The following CRTC1 variants were observed in gnomAD, a reference collection of about 807,000 sequenced individuals.
The protein encoded by CRTC1 is CREB regulated transcription coactivator 1, also known as CREB-regulated transcription coactivator 1.
In CRTC1, 18 loss-of-function variants were observed where a neutral mutation model predicts 66.1. The ratio of observed to expected loss-of-function variants is 0.27; its 90% CI spans 0.19 to 0.40. The LOEUF is 0.40. Ranked by LOEUF, CRTC1 falls within the 10% of genes least tolerant of loss-of-function variation. CRTC1 has a pLI of 1.00. For synonymous variants in CRTC1, 416 were observed against 398.8 expected, an observed-to-expected ratio of 1.04 and a Z score of -0.51; for missense variants, 669 against 887.9, an observed-to-expected ratio of 0.75 and a Z score of 3.13.
chr19:18,780,945 C>G lies in CRTC1; in HGVS notation c.*3563C>G, dbSNP rs544378642. 3.6e-5 allele frequency: 8 copies of G among 223,450 alleles called. No homozygotes were observed. The highest frequency in any genetic ancestry group is 1.6e-4 in the African/African-American group (7 of 44,850). The allele number at this position is 223,450 out of a possible 1,614,324, so 13.8% of individuals were successfully genotyped here. A position where few individuals can be genotyped will look rare whatever the true frequency, so the allele number is the denominator to read the frequency against. ...CATCCTTCCAAACTCGGGCTGCGAC[C>G]TGCTTCCTGAGTTTTCTGTATTTCC... On this transcript the variant is annotated 3_prime_UTR_variant, in exon 14 of 14. Transcript: ENST00000321949.
chr19:18,693,512 C>G (rs1340158161), intron 1 of CRTC1, among the ~76,000 whole-genome samples: 1 of 122,112 alleles, frequency 8.2e-6, no homozygotes, highest in Non-Finnish European at 1.6e-5. Context: ...AACAGAGTTT[C>G]TCTCTGTCGC....
intron 4 of CRTC1, among the ~76,000 whole-genome samples, chr19:18,748,765 CATGTT>C (rs1463155711): frequency 2.7e-5 from 4 of 149,898 alleles, no homozygotes; most frequent in Non-Finnish European, 5.9e-5. Flanking sequence ...CATACACACA[CATGTT>C]AGTAAACGGA....
At chr19:18,720,149 AAG>A (rs2053591289) in intron 1 of CRTC1, among the ~76,000 whole-genome samples, 1 of 152,074 alleles carries the variant, frequency 6.6e-6, no homozygotes, top group Non-Finnish European at 1.5e-5. Context: ...GGTGGAGAAA[AAG>A]TGAGTTTTTT....
chr19:18,718,159 T>G (rs936409107), intron 1 of CRTC1, among the ~76,000 whole-genome samples: 9 of 151,848 alleles, frequency 5.9e-5, no homozygotes, highest in Non-Finnish European at 1.2e-4. Flanking sequence ...CCTCCCCTCC[T>G]CTCCTCCCCA....
chr19:18,780,472 G>A lies in CRTC1; in HGVS notation c.*3090G>A, dbSNP rs944660851. ...ATCAGGGCCCTGCTTGTGGGTTTTCGGCTCTGGGGAGGAGAGTGTTGGCAT... is the reference window on the plus strand; with the variant it reads ...ATCAGGGCCCTGCTTGTGGGTTTTCAGCTCTGGGGAGGAGAGTGTTGGCAT... On this transcript the variant is annotated 3_prime_UTR_variant, in exon 14 of 14. Transcript: ENST00000321949. The A allele has an allele frequency of 4.3e-5, 10 of 231,516 alleles. No individual in the cohort carries two copies. Among genetic ancestry groups the A allele is most frequent in the Non-Finnish European group, 6.0e-5 (7 of 117,054 alleles). The allele number at this position is 231,516 out of a possible 1,614,324, so 14.3% of individuals were successfully genotyped here.
chr19:18,697,626 G>GCTGT (rs1300897784), intron 1 of CRTC1, among the ~76,000 whole-genome samples: 2 of 152,242 alleles, frequency 1.3e-5, no homozygotes, highest in African/African-American at 4.8e-5. Context: ...GGGAGGCCCT[G>GCTGT]CTGTCTTTGG....
intron 1 of CRTC1, among the ~76,000 whole-genome samples, chr19:18,700,680 G>A (rs1395731598): frequency 6.6e-6 from 1 of 152,168 alleles, no homozygotes; most frequent in Non-Finnish European, 1.5e-5. Flanking sequence ...TCTCTGGGAG[G>A]AAGTATCAGC....
intron 1 of CRTC1, among the ~76,000 whole-genome samples, chr19:18,716,675 C>T (rs1022843518): frequency 2.0e-5 from 3 of 152,152 alleles, no homozygotes; most frequent in Non-Finnish European, 4.4e-5. Context: ...CATGCTGTGT[C>T]GTCTTTCCTG....
At position 18,683,697 on chromosome 19, in the gene CRTC1, G is replaced by T; in HGVS notation, c.-6G>T. ...AGGAGGAGGAGGAGGAGGTGGCGGCGAGAAGATGGCGACTTCGAACAATCC... is the reference window on the plus strand; with the variant it reads ...AGGAGGAGGAGGAGGAGGTGGCGGCTAGAAGATGGCGACTTCGAACAATCC... On this transcript the variant is annotated 5_prime_UTR_variant, in exon 1 of 14. Transcript: ENST00000321949. The T allele has an allele frequency of 7.2e-7, 1 of 1,396,632 alleles. No homozygotes were observed. Among genetic ancestry groups the T allele is most frequent in the Non-Finnish European group, 9.5e-7 (1 of 1,050,380 alleles). The allele number at this position is 1,396,632 out of a possible 1,614,324, so 86.5% of individuals were successfully genotyped here.
Position 18,707,082 on chromosome 19 carries a change from C to T in CRTC1, c.126+23254C>T, listed in dbSNP as rs181738324. 1.7e-3 allele frequency among the ~76,000 whole-genome samples: 261 copies of T among 152,162 alleles called. 1 individual carries two copies. Among genetic ancestry groups the T allele is most frequent in the African/African-American group, 6.0e-3 (250 of 41,522 alleles). ...TGTATTTTTTCTTTTGTTGCCTGTG[C>T]TTTTGGTGTCCGATCCAAGAAATTA... is the stretch of plus-strand genomic sequence containing the variant. On this transcript the variant is annotated intron_variant, in intron 1 of 13. Coordinates refer to ENST00000321949, the MANE Select transcript of CRTC1 (RefSeq NM_015321.3).
intron 1 of CRTC1, among the ~76,000 whole-genome samples, chr19:18,710,112 T>C (rs2053356386): frequency 6.6e-6 from 1 of 151,518 alleles, no homozygotes; most frequent in Non-Finnish European, 1.5e-5. Context: ...CGGGGCCTCC[T>C]GCCTGGAGTG....
In CRTC1 at chr19:18,781,435, C is replaced by CA. The variant is rs1189071392; in HGVS notation, c.*4055dup. The CA allele has an allele frequency of 4.3e-6, 1 of 230,602 alleles. No individual in the cohort carries two copies. The allele number at this position is 230,602 out of a possible 1,614,324, so 14.3% of individuals were successfully genotyped here. ...ATTCTCCCGTCAGCTCCACCTGAGC[C>CA]AAGTGTCCTGTTCCCTGCGGCCCTT... On this transcript the variant is annotated 3_prime_UTR_variant, in exon 14 of 14. Coordinates refer to ENST00000321949, the MANE Select transcript of CRTC1 (RefSeq NM_015321.3).
intron 1 of CRTC1, among the ~76,000 whole-genome samples, chr19:18,706,677 G>A (rs1219251053): frequency 1.3e-5 from 2 of 151,982 alleles, no homozygotes; most frequent in African/African-American, 4.8e-5. Flanking sequence ...TTTTAGGGTG[G>A]ATTTTTTTCT....
In CRTC1 at chr19:18,778,381, T is replaced by G. The variant is rs2055041219; in HGVS notation, c.*999T>G. 4.3e-6 allele frequency: 1 copy of G among 232,768 alleles called. No individual in the cohort carries two copies. The highest frequency in any genetic ancestry group is 8.5e-6 in the Non-Finnish European group (1 of 117,716). The allele number at this position is 232,768 out of a possible 1,614,324, so 14.4% of individuals were successfully genotyped here. A position where few individuals can be genotyped will look rare whatever the true frequency, so the allele number is the denominator to read the frequency against. ...ACACTTGCCTGAGAGCATGTTTTTA[T>G]TTCAGAAATCCAACTTTACCTATTT... On this transcript the variant is annotated 3_prime_UTR_variant, in exon 14 of 14. Transcript: ENST00000321949.
intron 10 of CRTC1, among the ~76,000 whole-genome samples, chr19:18,769,576 A>G (rs1161943868): frequency 2.0e-5 from 3 of 152,168 alleles, no homozygotes; most frequent in Non-Finnish European, 2.9e-5. Context: ...CCATGTTCCC[A>G]AGCTGCTCTG....
At chr19:18,701,301 G>A (rs950723666) in intron 1 of CRTC1, among the ~76,000 whole-genome samples, 2 of 152,236 alleles carry the variant, frequency 1.3e-5, no homozygotes, top group Non-Finnish European at 2.9e-5. Context: ...TTTCCTGGCT[G>A]TAAAAAGGGG....
intron 1 of CRTC1, among the ~76,000 whole-genome samples, chr19:18,714,291 C>T (rs1034957270): frequency 2.0e-5 from 3 of 152,128 alleles, no homozygotes; most frequent in East Asian, 1.9e-4. Flanking sequence ...ACCTGCTATT[C>T]GGTTTGCAAC....
At chr19:18,759,933 C>CCCGCCAGCCCCCTGTCCCCA in intron 7 of CRTC1, 75 bp from the exon 8 acceptor site, 2 of 991,358 alleles carry the variant, frequency 2.0e-6, no homozygotes, top group Non-Finnish European at 2.8e-6. Context: ...CTGATTTTCT[C>CCCGCCAGCCCCCTGTCCCCA]CCGCCAGCCC....
At chr19:18,720,506 C>A (rs936936991) in intron 1 of CRTC1, among the ~76,000 whole-genome samples, 14 of 150,916 alleles carry the variant, frequency 9.3e-5, no homozygotes, top group African/African-American at 3.4e-4. Context: ...CCTGCCACCA[C>A]GCCCGGCTAA....
Sources: allele counts gnomAD v4.1 joint callset (sites outside exome capture counted in the v4.1 genomes callset), GRCh38; gene constraint gnomAD v4.1.1; transcripts MANE v1.5; gene names NCBI Gene and HGNC (gene_info 2026-07-23, HGNC 2026-07-21).